WDR47: variants seen among roughly 807,000 people sequenced by gnomAD.
WDR47 encodes WD repeat-containing protein 47.
WDR47 carries 32 observed loss-of-function variants against 97.2 expected under a neutral mutation model. The ratio of observed to expected loss-of-function variants is 0.33; its 90% CI spans 0.25 to 0.44. The LOEUF is 0.44. Among genes scored for constraint, WDR47 ranks in the 20% least tolerant of loss-of-function variants. The pLI, the probability that WDR47 is intolerant of heterozygous loss-of-function variation, is 1.00. For synonymous variants in WDR47, 375 were observed against 373.5 expected (o/e 1.00, Z -0.05); for missense variants, 782 against 1,102.3 (o/e 0.71, Z 4.11).
chr1:108,988,239 C>A (rs371324082), intron 9 of WDR47, among the ~76,000 whole-genome samples: 8 of 92,992 alleles, frequency 8.6e-5, no homozygotes, highest in African/African-American at 2.2e-4. Context: ...GGGGGAGGGG[C>A]GGGGCACCAA....
chr1:109,006,185 G>A (rs1200522952), intron 5 of WDR47, among the ~76,000 whole-genome samples: 7 of 151,954 alleles, frequency 4.6e-5, no homozygotes, highest in Admixed American at 3.3e-4. Context: ...ACCTGAGGTC[G>A]GGAGTATGAG....
chr1:109,036,025 A>C (rs548239411), intron 1 of WDR47, among the ~76,000 whole-genome samples: 82 of 152,174 alleles, frequency 5.4e-4, no homozygotes, highest in African/African-American at 1.9e-3. Flanking sequence ...AGAACTATGA[A>C]AATGAAAAAT....
chr1:109,012,280 T>C lies in WDR47; in HGVS notation c.328-562A>G, dbSNP rs748573133. ...ACCTTAGAGCAAAATTGTGTGGAGA[T>C]AGAAAGTCAAGAAAAGGGAGCCGAG... On this transcript the variant is annotated intron_variant, in intron 4 of 14. Coordinates refer to ENST00000369962, the MANE Select transcript of WDR47 (RefSeq NM_001142551.2). 7.9e-5 allele frequency among the ~76,000 whole-genome samples: 12 copies of C among 151,902 alleles called. No homozygotes were observed. The South Asian group carries it at 8.3e-4, about 10-fold the overall frequency.
chr1:108,995,434 T>C (rs145703425), intron 8 of WDR47, 146 bp downstream of exon 8: 268 of 874,816 alleles, frequency 3.1e-4, no homozygotes, highest in Non-Finnish European at 4.5e-4. Context: ...GAAGAGAATA[T>C]AGACAAATGA....
intron 8 of WDR47, chr1:108,992,755 T>A: frequency 5.6e-6 from 9 of 1,596,140 alleles, no homozygotes; most frequent in Non-Finnish European, 6.8e-6. Context: ...AGATTGTTCC[T>A]AAACCAGAAG....
At position 108,981,806 on chromosome 1, in the gene WDR47, A is replaced by G. The variant is rs771120896; in HGVS notation, c.2325T>C (p.Asp775=). 1.2e-6 allele frequency: 2 copies of G among 1,613,940 alleles called. No individual in the cohort carries two copies. The highest frequency in any genetic ancestry group is 1.3e-5 in the African/African-American group (1 of 74,942). ...SGWMIASGSQ[D]KTVRFWDLRV... The stretch of plus-strand genomic sequence containing the variant: ...GAAGATCCCAAAATCTAACAGTCTT[A>G]TCTTGGGAACCAGATGCAATCATCC... The change falls in exon 13 of 15, where the codon GAT becomes GAC. Residue 775 remains aspartate (D), a synonymous_variant. Transcript: ENST00000369962.
intron 4 of WDR47, among the ~76,000 whole-genome samples, chr1:109,012,693 T>C (rs1470933553): frequency 6.6e-6 from 1 of 151,854 alleles, no homozygotes; most frequent in Non-Finnish European, 1.5e-5. Context: ...ATAGTGAATA[T>C]TGTCTTTGAA....
At chr1:109,035,081 C>CA (rs776324573) in intron 1 of WDR47, among the ~76,000 whole-genome samples, 1,596 of 130,794 alleles carry the variant, frequency 0.012, 32 homozygotes, top group African/African-American at 0.038. Flanking sequence ...CCTGTCTCTC[C>CA]AAAAAAAAAA....
intron 14 of WDR47, among the ~76,000 whole-genome samples, chr1:108,973,712 T>C (rs1044462859): frequency 4.6e-5 from 7 of 151,746 alleles, no homozygotes; most frequent in Non-Finnish European, 8.8e-5. Context: ...CAAGATCCCA[T>C]CTTTACAAAA....
chr1:108,978,278 A>C (rs941503058), intron 13 of WDR47, among the ~76,000 whole-genome samples: 6 of 151,988 alleles, frequency 3.9e-5, no homozygotes, highest in Non-Finnish European at 7.4e-5. Context: ...GATCGAGACC[A>C]TCCTGGCTAA....
rs530472034 is a variant in WDR47 at position 109,039,274 on chromosome 1, G to T, written c.-10+2588C>A. Reference sequence around the variant, plus strand: ...AAATCCTTTTTTTTTTTCTTTTTGAGGTGGAATCTCGCTTTGTCGCCCAGG... The same window carrying T: ...AAATCCTTTTTTTTTTTCTTTTTGATGTGGAATCTCGCTTTGTCGCCCAGG... On this transcript the variant is annotated intron_variant, in intron 1 of 14. Transcript: ENST00000369962. Among the ~76,000 whole-genome samples the T allele has an allele frequency of 7.3e-4, 111 of 151,288 alleles. 1 individual carries two copies. Among genetic ancestry groups the T allele is most frequent in the Non-Finnish European group, 1.2e-3 (83 of 67,794 alleles).
chr1:109,035,817 T>TA (rs1491545700), intron 1 of WDR47, among the ~76,000 whole-genome samples: 1 of 141,536 alleles, frequency 7.1e-6, no homozygotes, highest in African/African-American at 2.6e-5. Flanking sequence ...TTGTATCTTC[T>TA]TTTTTTTTTT....
At chr1:109,039,860 A>T (rs561309439) in intron 1 of WDR47, among the ~76,000 whole-genome samples, 14 of 151,534 alleles carry the variant, frequency 9.2e-5, no homozygotes, top group Admixed American at 4.6e-4. Flanking sequence ...ACATGGTGAA[A>T]CCCCATCTCT....
chr1:109,011,280 A>T lies in WDR47; in HGVS notation c.766T>A (p.Phe256Ile). Residue 256 changes from phenylalanine to isoleucine, a missense_variant, in exon 5 of 15, where the codon TTC (phenylalanine) becomes ATC (isoleucine). Physicochemically the swap from Phe to Ile is conservative, Grantham distance 21 (BLOSUM62 0). Coordinates refer to ENST00000369962, the MANE Select transcript of WDR47 (RefSeq NM_001142551.2). ...ATTTTCTGTTCAAAAGCACAAGAGA[A>T]GACAGAAGATGGAAGATTCTGAAGC... ...SWLQNLPSSV[F>I]SCAFEQKMLN... is the part of the protein sequence containing the mutation. The T allele has an allele frequency of 2.5e-6, 4 of 1,614,190 alleles. No individual in the cohort carries two copies. The highest frequency in any genetic ancestry group is 3.4e-6 in the Non-Finnish European group (4 of 1,180,044).
chr1:109,017,413 T>C (rs1661497042), intron 3 of WDR47, 105 bp downstream of exon 3: 3 of 920,648 alleles, frequency 3.3e-6, no homozygotes, highest in Admixed American at 2.3e-5. Flanking sequence ...TTACTCTCTG[T>C]TCAAGGCCAG....
chr1:109,032,871 T>C (rs1662695380), intron 1 of WDR47, among the ~76,000 whole-genome samples: 1 of 151,982 alleles, frequency 6.6e-6, no homozygotes, highest in African/African-American at 2.4e-5. Flanking sequence ...CACTCCAGCC[T>C]GGGTGACAGA....
intron 5 of WDR47, among the ~76,000 whole-genome samples, chr1:109,010,714 C>G (rs1660978554): frequency 6.6e-6 from 1 of 151,484 alleles, no homozygotes; most frequent in Non-Finnish European, 1.5e-5. Flanking sequence ...TCCTGAATAG[C>G]TGGGACTACA....
rs1315572087 is a variant in WDR47 at position 108,973,126 on chromosome 1, G to C, written c.2617+1410C>G. 2.0e-5 allele frequency among the ~76,000 whole-genome samples: 3 copies of C among 151,840 alleles called. No homozygotes were observed. In the East Asian group the frequency reaches 5.8e-4, roughly 29 times the overall value. On this transcript the variant is annotated intron_variant, in intron 14 of 14. Coordinates refer to ENST00000369962, the MANE Select transcript of WDR47 (RefSeq NM_001142551.2). ...GCTCTTCTCCTAATATCCTGGCCTGGCTTGTTCCTCCTCATCATTCTGGTC... is the reference window on the plus strand; with the variant it reads ...GCTCTTCTCCTAATATCCTGGCCTGCCTTGTTCCTCCTCATCATTCTGGTC...
chr1:109,003,134 T>A (rs1660338422), intron 6 of WDR47, among the ~76,000 whole-genome samples: 1 of 152,164 alleles, frequency 6.6e-6, no homozygotes. Flanking sequence ...TGTTGTTGAG[T>A]GGAGTGTTTT....
Sources: allele counts gnomAD v4.1 joint callset (sites outside exome capture counted in the v4.1 genomes callset), GRCh38; gene constraint gnomAD v4.1.1; transcripts MANE v1.5; gene names NCBI Gene and HGNC (gene_info 2026-07-23, HGNC 2026-07-21).